The following VPS13B variants were observed in gnomAD, a reference collection of about 807,000 sequenced individuals.
VPS13B encodes intermembrane lipid transfer protein VPS13B.
In VPS13B, 285 loss-of-function variants were observed where a neutral mutation model predicts 426.4. The observed-to-expected ratio is 0.67, with a 90% CI of 0.61 to 0.74. VPS13B has a LOEUF of 0.74. VPS13B is among the 30% of genes least tolerant of loss of function. The pLI is 0.00. For missense variants in VPS13B, 4,537 were observed against 4,782.6 expected (o/e 0.95, Z 1.51); for synonymous variants, 1,676 against 1,676.4 (o/e 1.00, Z 0.01).
At chr8:99,670,988 T>A (rs1416690001) in intron 35 of VPS13B, among the ~76,000 whole-genome samples, 1 of 152,166 alleles carries the variant, frequency 6.6e-6, no homozygotes, top group East Asian at 1.9e-4. Context: ...TCATTTCCTT[T>A]GGATCTATAC....
intron 25 of VPS13B, among the ~76,000 whole-genome samples, chr8:99,484,909 G>A (rs567022145): frequency 6.6e-6 from 1 of 151,034 alleles, no homozygotes; most frequent in African/African-American, 2.4e-5. Context: ...TACTCCAAAA[G>A]GGAAAGCTAA....
intron 24 of VPS13B, among the ~76,000 whole-genome samples, chr8:99,480,756 A>G (rs1001651431): frequency 6.6e-6 from 1 of 152,284 alleles, no homozygotes; most frequent in African/African-American, 2.4e-5. Flanking sequence ...TTCTGCCCAC[A>G]TAAGAAGCCA....
chr8:99,284,220 A>G (rs1274582424), intron 19 of VPS13B, among the ~76,000 whole-genome samples: 3 of 152,162 alleles, frequency 2.0e-5, no homozygotes. Context: ...CTTTTTTCAG[A>G]TCATGAAATT....
intron 19 of VPS13B, among the ~76,000 whole-genome samples, chr8:99,332,538 A>G (rs142491782): frequency 6.6e-6 from 1 of 151,746 alleles, no homozygotes; most frequent in Admixed American, 6.6e-5. Context: ...CAAGAGGTAC[A>G]GTGTGGAAAG....
chr8:99,756,134 A>G (rs1810629499), intron 39 of VPS13B, among the ~76,000 whole-genome samples: 1 of 152,184 alleles, frequency 6.6e-6, no homozygotes, highest in South Asian at 2.1e-4. Context: ...CAAATATAGA[A>G]TATTAATAAT....
intron 3 of VPS13B, among the ~76,000 whole-genome samples, chr8:99,049,211 G>A (rs533408475): frequency 6.0e-5 from 9 of 151,122 alleles, no homozygotes; most frequent in African/African-American, 9.7e-5. Context: ...TTTGTTGCCT[G>A]TATACCTTTT....
rs1828917831 is a variant in VPS13B, at chr8:99,633,165, A to G, written c.5221-8646A>G. On this transcript the variant is annotated intron_variant, in intron 33 of 61. Coordinates refer to ENST00000357162, the MANE Select transcript of VPS13B (RefSeq NM_152564.5). ...AATCCTACATAATTTCTTTAAAGGG[A>G]TATGTATGATTTAGGGGATAAAGTA... 4.6e-5 allele frequency among the ~76,000 whole-genome samples: 7 copies of G among 152,056 alleles called. No homozygotes were observed. In the South Asian group the frequency reaches 1.5e-3, roughly 32 times the overall value.
intron 28 of VPS13B, among the ~76,000 whole-genome samples, chr8:99,510,101 T>A (rs1043656722): frequency 6.6e-6 from 1 of 152,246 alleles, no homozygotes; most frequent in African/African-American, 2.4e-5. Flanking sequence ...AATTAGATTT[T>A]ATAAAAAATG....
intron 35 of VPS13B, among the ~76,000 whole-genome samples, chr8:99,688,372 G>A (rs1164494460): frequency 1.3e-5 from 2 of 151,976 alleles, no homozygotes; most frequent in Non-Finnish European, 2.9e-5. Context: ...GGAAAATAGG[G>A]ACTGGATGGA....
chr8:99,539,635 G>T (rs1823452712), intron 30 of VPS13B, among the ~76,000 whole-genome samples: 1 of 152,072 alleles, frequency 6.6e-6, no homozygotes, highest in Non-Finnish European at 1.5e-5. Context: ...CTACTTGGGA[G>T]GCTGAGGCTG....
intron 2 of VPS13B, among the ~76,000 whole-genome samples, chr8:99,022,250 T>TA (rs1290305942): frequency 4.0e-5 from 6 of 151,740 alleles, no homozygotes; most frequent in Non-Finnish European, 7.4e-5. Flanking sequence ...AATATATATA[T>TA]ATAATGCTAT....
At chr8:99,270,558 A>G (rs1818537298) in intron 17 of VPS13B, among the ~76,000 whole-genome samples, 1 of 152,132 alleles carries the variant, frequency 6.6e-6, no homozygotes, top group South Asian at 2.1e-4. Context: ...AGTTTTGGAA[A>G]CTGTAAAAGA....
chr8:99,426,055 TC>T lies in VPS13B; in HGVS notation c.3083-5475del, dbSNP rs1264639997. On this transcript the variant is annotated intron_variant, in intron 21 of 61. Transcript: ENST00000357162. ...TAGGTATATCTACCAATGCTATCCC[TC>T]CCCCCCTCCCCCCACCCCACCACAG... Among the ~76,000 whole-genome samples the T allele has an allele frequency of 6.6e-3, 545 of 82,840 alleles. 5 individuals carry two copies. Among genetic ancestry groups the T allele is most frequent in the African/African-American group, 0.024 (502 of 21,336 alleles). The allele number at this position is 82,840 out of a possible 152,430, so 54.3% of individuals were successfully genotyped here. A position where few individuals can be genotyped will look rare whatever the true frequency, so the allele number is the denominator to read the frequency against.
intron 5 of VPS13B, among the ~76,000 whole-genome samples, chr8:99,105,844 G>A (rs1461540508): frequency 1.3e-5 from 2 of 152,302 alleles, no homozygotes; most frequent in African/African-American, 4.8e-5. Context: ...CTAATTTACA[G>A]TGCAAACTTG....
intron 17 of VPS13B, among the ~76,000 whole-genome samples, chr8:99,224,206 GT>G (rs900687013): frequency 1.3e-5 from 2 of 151,834 alleles, no homozygotes; most frequent in Admixed American, 6.6e-5. Flanking sequence ...ATGCAGATGG[GT>G]TTTTTTTCTG....
At position 99,818,509 on chromosome 8, in the gene VPS13B, C is replaced by T; in HGVS notation, c.8420C>T (p.Pro2807Leu). The stretch of plus-strand genomic sequence containing the variant: ...TGGTGCACAGTTTTGACTTTAGAAC[C>T]CAACTCTCAAGTGCAACAACGAATG... Reference protein sequence around the residue: ...YVWCTVLTLEPNSQVQQRMIV... With the variant: ...YVWCTVLTLELNSQVQQRMIV... Residue 2807 changes from proline to leucine, a missense_variant, in exon 46 of 62, where the codon CCC becomes CTC. Pro to Leu is a moderately conservative substitution (Grantham distance 98). Around this residue, in one of 2 missense-constraint regions of VPS13B, gnomAD observed 4,311 missense variants for 4,474.3 expected, o/e 0.96. Transcript: ENST00000357162. 1 of 1,613,990 alleles carries T rather than the reference C, an allele frequency of 6.2e-7. No individual in the cohort carries two copies. The highest frequency in any genetic ancestry group is 8.5e-7 in the Non-Finnish European group (1 of 1,179,956).
chr8:99,814,438 A>G (rs1813901871), intron 44 of VPS13B, among the ~76,000 whole-genome samples: 1 of 152,132 alleles, frequency 6.6e-6, no homozygotes, highest in African/African-American at 2.4e-5. Context: ...ATCCTCTTAG[A>G]TTTGCCTGCC....
chr8:99,277,290 A>T (rs1269764533), intron 19 of VPS13B, among the ~76,000 whole-genome samples: 1 of 152,116 alleles, frequency 6.6e-6, no homozygotes, highest in Admixed American at 6.6e-5. Context: ...ATATATTTTA[A>T]CTTAAAACTA....
rs77129176 is a variant in VPS13B, at chr8:99,442,390, T to C, written c.3211-11T>C. ...TAATCCGAATATTTTAATTCTGCTT[T>C]TCTTTTCTAGCTTGAAGTACAATCT... On this transcript the variant is annotated splice_polypyrimidine_tract_variant and intron_variant, in intron 22 of 61. Coordinates refer to ENST00000357162, the MANE Select transcript of VPS13B (RefSeq NM_152564.5). 6.6e-4 allele frequency: 1,065 copies of C among 1,610,544 alleles called. 14 individuals carry two copies. In the East Asian group the frequency reaches 0.022, roughly 33 times the overall value.
Sources: gnomAD v4.1 joint callset for allele counts (sites outside exome capture counted in the v4.1 genomes callset) on GRCh38, gnomAD v4.1.1 for gene constraint, gnomAD v4.1.1 regional missense constraint, MANE v1.5 for transcripts, NCBI Gene and HGNC (gene_info 2026-07-23, HGNC 2026-07-21) for gene names.